Variants in ERBB4 observed in about 807,000 individuals in gnomAD.
ERBB4 encodes the protein receptor tyrosine-protein kinase erbB-4.
In ERBB4, 42 loss-of-function variants were observed where a neutral mutation model predicts 158.0. The observed-to-expected ratio is 0.27, with a 90% CI of 0.21 to 0.34. The LOEUF is 0.34. ERBB4 is among the 10% of genes least tolerant of loss of function. The pLI is 1.00. For missense variants in ERBB4, 1,333 were observed against 1,624.1 expected, an observed-to-expected ratio of 0.82 and a Z score of 3.08; for synonymous variants, 583 against 558.7, an observed-to-expected ratio of 1.04 and a Z score of -0.61.
chr2:212,065,520 G>T (rs766323414), intron 2 of ERBB4, among the ~76,000 whole-genome samples: 22 of 152,006 alleles, frequency 1.4e-4, no homozygotes, highest in Non-Finnish European at 2.9e-4. Flanking sequence ...AAATGTCTAA[G>T]TTAATATCCA....
At chr2:211,486,469 C>G (rs2065206759) in intron 20 of ERBB4, among the ~76,000 whole-genome samples, 1 of 152,042 alleles carries the variant, frequency 6.6e-6, no homozygotes, top group Non-Finnish European at 1.5e-5. Flanking sequence ...GTCGAGTTAA[C>G]CTCAACCAGA....
At chr2:212,409,060 G>A (rs751156033) in intron 1 of ERBB4, among the ~76,000 whole-genome samples, 64 of 152,028 alleles carry the variant, frequency 4.2e-4, no homozygotes, top group Admixed American at 7.2e-4. Context: ...CAAGAACACA[G>A]ACAAATTCAC....
At chr2:212,279,273 C>G (rs974585120) in intron 1 of ERBB4, among the ~76,000 whole-genome samples, 2 of 151,218 alleles carry the variant, frequency 1.3e-5, no homozygotes, top group African/African-American at 4.9e-5. Context: ...ATATTTGCTA[C>G]TGATCTTACC....
intron 3 of ERBB4, among the ~76,000 whole-genome samples, chr2:211,855,544 T>G (rs1046175194): frequency 6.6e-6 from 1 of 152,194 alleles, no homozygotes; most frequent in African/African-American, 2.4e-5. Flanking sequence ...CATAGATATC[T>G]CATTATTCCA....
intron 13 of ERBB4, among the ~76,000 whole-genome samples, chr2:211,677,363 G>A (rs1052461250): frequency 1.3e-5 from 2 of 151,866 alleles, no homozygotes; most frequent in African/African-American, 2.4e-5. Flanking sequence ...TCAGGAGTTC[G>A]AGACTAGCCT....
intron 2 of ERBB4, among the ~76,000 whole-genome samples, chr2:212,031,453 A>C (rs533335300): frequency 6.6e-6 from 1 of 152,268 alleles, no homozygotes; most frequent in Non-Finnish European, 1.5e-5. Flanking sequence ...TTTGTTTAAT[A>C]CACTTAAGAA....
intron 3 of ERBB4, among the ~76,000 whole-genome samples, chr2:211,926,460 C>T (rs1017396928): frequency 6.6e-6 from 1 of 152,044 alleles, no homozygotes; most frequent in Non-Finnish European, 1.5e-5. Flanking sequence ...TTGAATGGTA[C>T]CTGTGCCAAG....
Position 212,276,457 on chromosome 2 carries a change from T to G in ERBB4, c.83-151554A>C, listed in dbSNP as rs984768923. Among the ~76,000 whole-genome samples the G allele has an allele frequency of 1.2e-4, 18 of 151,578 alleles. 1 individual carries two copies. The highest frequency in any genetic ancestry group is 4.1e-4 in the African/African-American group (17 of 41,316). Reference sequence around the variant, plus strand: ...GTGAGGACCTTAAGCAAAAATAGATTAGGTAATTAAACAGTCATGTAAGAC... The same window carrying G: ...GTGAGGACCTTAAGCAAAAATAGATGAGGTAATTAAACAGTCATGTAAGAC... On this transcript the variant is annotated intron_variant, in intron 1 of 27. Transcript: ENST00000342788.
chr2:211,628,007 C>A (rs551447939), intron 17 of ERBB4, among the ~76,000 whole-genome samples: 12 of 152,252 alleles, frequency 7.9e-5, no homozygotes, highest in Middle Eastern at 3.4e-3. Flanking sequence ...AAGTTTTATC[C>A]TGTAAGCTTA....
At chr2:211,659,219 T>C (rs547801984) in intron 15 of ERBB4, among the ~76,000 whole-genome samples, 1 of 152,228 alleles carries the variant, frequency 6.6e-6, no homozygotes, top group East Asian at 1.9e-4. Context: ...ATAACATTCC[T>C]GCTAGCTTAA....
In ERBB4 at chr2:211,755,869, T is replaced by C. The variant is rs553926148; in HGVS notation, c.557-5165A>G. ...TGAAGAGTTACAAAATATGAAGTCATTGGCAACTATAAAAGATCATATCCT... is the reference window on the plus strand; with the variant it reads ...TGAAGAGTTACAAAATATGAAGTCACTGGCAACTATAAAAGATCATATCCT... On this transcript the variant is annotated intron_variant, in intron 4 of 27. Coordinates refer to ENST00000342788, the MANE Select transcript of ERBB4 (RefSeq NM_005235.3). 3.9e-5 allele frequency among the ~76,000 whole-genome samples: 6 copies of C among 152,340 alleles called. No homozygotes were observed. The South Asian group carries it at 1.0e-3, about 26-fold the overall frequency.
intron 1 of ERBB4, among the ~76,000 whole-genome samples, chr2:212,414,876 G>A (rs1179522241): frequency 3.9e-5 from 6 of 152,118 alleles, no homozygotes; most frequent in African/African-American, 1.2e-4. Context: ...ATGGCTACAC[G>A]CACAGATTTC....
intron 20 of ERBB4, among the ~76,000 whole-genome samples, chr2:211,448,902 T>C (rs913898282): frequency 3.9e-5 from 6 of 152,168 alleles, no homozygotes; most frequent in Non-Finnish European, 8.8e-5. Flanking sequence ...CTAAGATATT[T>C]AAAATCTCTT....
At chr2:211,665,981 A>T (rs182681140) in intron 14 of ERBB4, among the ~76,000 whole-genome samples, 414 of 152,370 alleles carry the variant, frequency 2.7e-3, no homozygotes, top group Non-Finnish European at 5.0e-3. Context: ...GAGAAAAGGG[A>T]TATAATAGAA....
At chr2:212,447,828 A>G (rs2106008055) in intron 1 of ERBB4, among the ~76,000 whole-genome samples, 1 of 151,044 alleles carries the variant, frequency 6.6e-6, no homozygotes, top group East Asian at 1.9e-4. Context: ...GGCAACTAAC[A>G]TTTCTTTCTT....
At chr2:212,133,000 T>C (rs191938093) in intron 1 of ERBB4, among the ~76,000 whole-genome samples, 74 of 152,192 alleles carry the variant, frequency 4.9e-4, no homozygotes, top group Non-Finnish European at 9.3e-4. Context: ...ATACAACTAT[T>C]GTATCTACAA....
At chr2:211,585,981 T>C (rs951620295) in intron 19 of ERBB4, among the ~76,000 whole-genome samples, 5 of 152,332 alleles carry the variant, frequency 3.3e-5, no homozygotes, top group Non-Finnish European at 7.4e-5. Flanking sequence ...AGCTTATTTT[T>C]GTCATAATTT....
intron 1 of ERBB4, among the ~76,000 whole-genome samples, chr2:212,457,785 C>T (rs1464526183): frequency 6.6e-6 from 1 of 151,880 alleles, no homozygotes; most frequent in African/African-American, 2.4e-5. Context: ...ATGTGAAATC[C>T]AAACACAATA....
chr2:211,833,993 C>T (rs714393), intron 3 of ERBB4, among the ~76,000 whole-genome samples: 59,255 of 151,696 alleles, frequency 0.39, 12,446 homozygotes, highest in Admixed American at 0.5. Context: ...ACTATGAAAA[C>T]GAGTGTAGTC....
Sources: gnomAD v4.1 joint callset for allele counts (sites outside exome capture counted in the v4.1 genomes callset) on GRCh38, gnomAD v4.1.1 for gene constraint, MANE v1.5 for transcripts, NCBI Gene and HGNC (gene_info 2026-07-23, HGNC 2026-07-21) for gene names.